The following BAZ2B variants were observed in gnomAD, a reference collection of about 807,000 sequenced individuals.
BAZ2B encodes bromodomain adjacent to zinc finger domain protein 2B.
A neutral mutation model predicts 246.0 loss-of-function variants in BAZ2B; 91 were observed. That is an observed-to-expected ratio of 0.37 (90% CI 0.31 to 0.44). The LOEUF (loss-of-function observed/expected upper bound fraction) is 0.44. Among genes scored for constraint, BAZ2B ranks in the 20% least tolerant of loss-of-function variants. The pLI is 1.00. For synonymous variants in BAZ2B, 855 were observed against 860.0 expected (o/e 0.99, Z 0.10); for missense variants, 2,332 against 2,533.7 (o/e 0.92, Z 1.71).
chr2:159,617,425 T>A (rs979693310), upstream of BAZ2B, among the ~76,000 whole-genome samples: 12 of 152,238 alleles, frequency 7.9e-5, no homozygotes, highest in African/African-American at 2.9e-4. Flanking sequence ...AACAATTTTT[T>A]TAAAAGCCTT....
chr2:159,528,967 GGT>G (rs1193541259), intron 2 of BAZ2B, among the ~76,000 whole-genome samples: 2 of 134,788 alleles, frequency 1.5e-5, no homozygotes, highest in Non-Finnish European at 3.2e-5. Context: ...GTTGTGGGGG[GGT>G]GGGGGTGGGG....
At chr2:159,461,257 T>C (rs2076373718) in intron 3 of BAZ2B, 1 of 152,496 alleles carries the variant, frequency 6.6e-6, no homozygotes, top group Admixed American at 6.6e-5. Context: ...CCATTACCAG[T>C]TGTTATATTA....
At chr2:159,601,805 C>T (rs1692222841) in intron 1 of BAZ2B, among the ~76,000 whole-genome samples, 1 of 152,074 alleles carries the variant, frequency 6.6e-6, no homozygotes, top group African/African-American at 2.4e-5. Flanking sequence ...AAGGTAATAT[C>T]ATAAAAAAAG....
At chr2:159,363,803 A>G (rs1440074974) in intron 27 of BAZ2B, among the ~76,000 whole-genome samples, 1 of 152,198 alleles carries the variant, frequency 6.6e-6, no homozygotes, top group Non-Finnish European at 1.5e-5. Context: ...GAAACATGAT[A>G]CTGAATAGTT....
intron 1 of BAZ2B, among the ~76,000 whole-genome samples, chr2:159,576,333 A>G (rs1451853640): frequency 2.0e-5 from 3 of 152,168 alleles, no homozygotes; most frequent in African/African-American, 7.2e-5. Flanking sequence ...ATGTTGACAG[A>G]TAATTTACAG....
At chr2:159,367,990 A>G (rs1559132870) in intron 27 of BAZ2B, among the ~76,000 whole-genome samples, 1 of 152,188 alleles carries the variant, frequency 6.6e-6, no homozygotes, top group African/African-American at 2.4e-5. Context: ...CTAGTTTGAC[A>G]CTTACTGATC....
intron 4 of BAZ2B, among the ~76,000 whole-genome samples, chr2:159,452,618 A>G (rs921176520): frequency 3.3e-5 from 5 of 152,246 alleles, no homozygotes; most frequent in African/African-American, 9.6e-5. Context: ...TTAAAGCCAA[A>G]TTAATCTATA....
At chr2:159,486,645 T>TA (rs1487967616) in intron 2 of BAZ2B, among the ~76,000 whole-genome samples, 1 of 151,562 alleles carries the variant, frequency 6.6e-6, no homozygotes, top group African/African-American at 2.4e-5. Context: ...TTTGTCTTTT[T>TA]AGTATTACCA....
Position 159,427,986 on chromosome 2 carries a change from T to C in BAZ2B, c.2421A>G (p.Ala807=). 1 of 1,613,580 alleles carries C rather than the reference T, an allele frequency of 6.2e-7. No homozygotes were observed. The highest frequency in any genetic ancestry group is 8.5e-7 in the Non-Finnish European group (1 of 1,179,568). Residue 807 remains alanine (A), a synonymous_variant, in exon 13 of 37, where the codon GCA becomes GCG. Coordinates refer to ENST00000392783, the MANE Select transcript of BAZ2B (RefSeq NM_013450.4). ...CATAGAAGTCACCCACTCTTATTTT[T>C]GCACTGAAGCTGAAATTGTCCCTTG... The part of the protein sequence containing the change: ...DISRDNFSFS[A]KIRVGDFYEA...
At chr2:159,337,362 C>A in intron 32 of BAZ2B, 1 of 1,322,070 alleles carries the variant, frequency 7.6e-7, no homozygotes, top group Non-Finnish European at 1.0e-6. Flanking sequence ...CCGTATGGAT[C>A]ACAGACATAC....
At chr2:159,615,457 T>A (rs1395853157) in intron 1 of BAZ2B, 1 of 152,430 alleles carries the variant, frequency 6.6e-6, no homozygotes, top group Non-Finnish European at 1.5e-5. Flanking sequence ...TTCCCAGGTA[T>A]CCAGATCTTT....
At chr2:159,361,649 T>C (rs1346352365) in intron 27 of BAZ2B, among the ~76,000 whole-genome samples, 2 of 152,190 alleles carry the variant, frequency 1.3e-5, no homozygotes, top group Admixed American at 1.3e-4. Flanking sequence ...TAAAGACACA[T>C]GCACATGTAT....
At chr2:159,653,113 T>C in the BAZ2B span, among the ~76,000 whole-genome samples, 20 of 151,926 alleles carry the variant, frequency 1.3e-4, no homozygotes, top group Admixed American at 1.3e-3. Flanking sequence ...AATTTTTTTA[T>C]ACTTTTTGGT....
At chr2:159,568,239 C>T (rs1219306866) in intron 1 of BAZ2B, among the ~76,000 whole-genome samples, 1 of 152,158 alleles carries the variant, frequency 6.6e-6, no homozygotes, top group Non-Finnish European at 1.5e-5. Context: ...TAATGAACAG[C>T]TGATGTCCAT....
intron 13 of BAZ2B, among the ~76,000 whole-genome samples, chr2:159,417,401 C>A (rs1353888725): frequency 6.6e-6 from 1 of 152,056 alleles, no homozygotes; most frequent in Non-Finnish European, 1.5e-5. Context: ...GAACTCCTGA[C>A]CTCAGGTGAT....
chr2:159,413,419 C>T (rs773259011), intron 13 of BAZ2B, among the ~76,000 whole-genome samples: 8 of 152,030 alleles, frequency 5.3e-5, no homozygotes, highest in South Asian at 2.1e-4. Context: ...TGGCTGGGCG[C>T]GGACTGGCCG....
intron 16 of BAZ2B, among the ~76,000 whole-genome samples, chr2:159,404,113 C>T (rs2065525053): frequency 6.6e-6 from 1 of 152,122 alleles, no homozygotes; most frequent in Non-Finnish European, 1.5e-5. Flanking sequence ...TAACTACATG[C>T]TTCCTAATAT....
At position 159,350,326 on chromosome 2, in the gene BAZ2B, T is replaced by C; in HGVS notation, c.4245A>G (p.Lys1415=). The change falls in exon 28 of 37, where the codon AAA becomes AAG. Residue 1415 remains lysine, a synonymous_variant. Coordinates refer to ENST00000392783, the MANE Select transcript of BAZ2B (RefSeq NM_013450.4). ...GLEEIAKERE[K]LKKAESVQIK... is the part of the protein sequence containing the mutation. ...TCTGGACACTTTCTGCCTTTTTCAG[T>C]TTTTCTCTTTCTTTTGCAATTTCTT... 1.3e-6 allele frequency: 2 copies of C among 1,566,302 alleles called. No individual in the cohort carries two copies. Among genetic ancestry groups the C allele is most frequent in the Non-Finnish European group, 1.7e-6 (2 of 1,161,092 alleles).
At chr2:159,621,138 G>A (rs561411300), upstream of BAZ2B, among the ~76,000 whole-genome samples, 3 of 152,156 alleles carry the variant, frequency 2.0e-5, no homozygotes, top group African/African-American at 7.2e-5. Context: ...GAATACATAA[G>A]GGAAAACAAA....
Sources: gnomAD v4.1 joint callset for allele counts (sites outside exome capture counted in the v4.1 genomes callset) on GRCh38, gnomAD v4.1.1 for gene constraint, MANE v1.5 for transcripts, NCBI Gene and HGNC (gene_info 2026-07-23, HGNC 2026-07-21) for gene names.